The following XCR1 variants were observed in gnomAD, a reference collection of about 807,000 sequenced individuals.
XCR1 encodes the protein X-C motif chemokine receptor 1, also known as chemokine XC receptor 1.
For missense variants in XCR1, 356 were observed against 424.2 expected, an observed-to-expected ratio of 0.84 and a Z score of 1.41; for synonymous variants, 187 against 188.5, an observed-to-expected ratio of 0.99 and a Z score of 0.06.
chr3:46,057,280 A>C (rs1697870066), intron 4 of XCR1, among the ~76,000 whole-genome samples: 1 of 152,132 alleles, frequency 6.6e-6, no homozygotes, highest in Non-Finnish European at 1.5e-5. Context: ...ATTTATGTAA[A>C]GTTCTAGAAA....
intron 4 of XCR1, among the ~76,000 whole-genome samples, chr3:46,060,642 C>T (rs1440156789): frequency 6.6e-6 from 1 of 152,174 alleles, no homozygotes; most frequent in Non-Finnish European, 1.5e-5. Context: ...CATAAGGTCA[C>T]AGGAACAGAA....
chr3:46,053,778 G>A (rs9859136), intron 5 of XCR1, among the ~76,000 whole-genome samples: 17,785 of 151,944 alleles, frequency 0.12, 2,415 homozygotes, highest in African/African-American at 0.33. Flanking sequence ...GCACCAGTTT[G>A]TTTCAACAAA....
chr3:46,052,905 A>G (rs1053064038), intron 5 of XCR1, among the ~76,000 whole-genome samples: 13 of 152,184 alleles, frequency 8.5e-5, no homozygotes, highest in African/African-American at 3.1e-4. Flanking sequence ...ACTCCCTCTT[A>G]AGGAATTGTG....
intron 1 of XCR1, among the ~76,000 whole-genome samples, chr3:46,026,050 A>G (rs563385481): frequency 6.6e-6 from 1 of 152,360 alleles, no homozygotes; most frequent in Admixed American, 6.5e-5. Flanking sequence ...CACCATATCA[A>G]TAGAATAAAG....
intron 2 of XCR1, among the ~76,000 whole-genome samples, chr3:46,075,154 G>A (rs777285223): frequency 2.0e-5 from 3 of 151,880 alleles, no homozygotes; most frequent in Non-Finnish European, 4.4e-5. Context: ...CAGAGGGACA[G>A]ACACAAAGAT....
chr3:46,069,908 ATT>A (rs61295539), intron 3 of XCR1, among the ~76,000 whole-genome samples: 5 of 142,942 alleles, frequency 3.5e-5, no homozygotes, highest in Admixed American at 6.9e-5. Flanking sequence ...TTTGCGATCT[ATT>A]TTTTTTTTTG....
chr3:46,032,430 C>T (rs573323394), upstream of XCR1, among the ~76,000 whole-genome samples: 9 of 152,214 alleles, frequency 5.9e-5, no homozygotes, highest in Non-Finnish European at 1.0e-4. Flanking sequence ...GCATAGCTGG[C>T]ATGTCTCACT....
chr3:46,027,958 T>G (rs1359941910), upstream of XCR1, among the ~76,000 whole-genome samples: 1 of 152,210 alleles, frequency 6.6e-6, no homozygotes, highest in Non-Finnish European at 1.5e-5. Flanking sequence ...AGCTTTCACT[T>G]CAGCCCCCAA....
chr3:46,030,592 G>A (rs1708377226), upstream of XCR1, among the ~76,000 whole-genome samples: 1 of 152,160 alleles, frequency 6.6e-6, no homozygotes, highest in South Asian at 2.1e-4. Flanking sequence ...ACATAGTTTT[G>A]AGCTCGATTA....
intron 5 of XCR1, among the ~76,000 whole-genome samples, chr3:46,039,645 C>A (rs1023531368): frequency 6.6e-6 from 1 of 152,094 alleles, no homozygotes; most frequent in South Asian, 2.1e-4. Flanking sequence ...CCATTTGAAG[C>A]CTTATTTTCA....
chr3:46,030,895 T>C (rs1055793645), upstream of XCR1, among the ~76,000 whole-genome samples: 1 of 152,262 alleles, frequency 6.6e-6, no homozygotes, highest in Non-Finnish European at 1.5e-5. Context: ...TCTGGGAGCC[T>C]GTGAGTATCT....
intron 4 of XCR1, among the ~76,000 whole-genome samples, chr3:46,063,882 T>G (rs916655298): frequency 3.3e-5 from 5 of 152,186 alleles, no homozygotes; most frequent in Admixed American, 6.5e-5. Flanking sequence ...ATTACTAATA[T>G]TTTTTGAGAC....
chr3:46,051,710 C>T (rs1697747819), intron 5 of XCR1, among the ~76,000 whole-genome samples: 1 of 152,192 alleles, frequency 6.6e-6, no homozygotes, highest in Admixed American at 6.5e-5. Context: ...AGTTCAAAAA[C>T]CCAAAGATCT....
intron 2 of XCR1, among the ~76,000 whole-genome samples, chr3:46,075,223 T>C (rs369737610): frequency 4.6e-5 from 7 of 151,660 alleles, no homozygotes; most frequent in African/African-American, 1.7e-4. Context: ...GCCCACTGGT[T>C]TTTGACAGTG....
Position 46,018,482 on chromosome 3 carries a change from G to C in XCR1, c.*2464C>G, listed in dbSNP as rs949044169. 6.6e-6 allele frequency: 1 copy of C among 152,220 alleles called. No individual in the cohort carries two copies. Among genetic ancestry groups the C allele is most frequent in the African/African-American group, 2.4e-5 (1 of 41,440 alleles). The allele number at this position is 152,220 out of a possible 1,614,324, so 9.4% of individuals were successfully genotyped here. A position where few individuals can be genotyped will look rare whatever the true frequency, so the allele number is the denominator to read the frequency against. On this transcript the variant is annotated 3_prime_UTR_variant, in exon 2 of 2. Transcript: ENST00000309285. ...AGATTAGGCCAACTAGAAGCCCATA[G>C]GCTTAGCTCTGATACCACAAACTAC...
upstream of XCR1, among the ~76,000 whole-genome samples, chr3:46,032,317 T>C (rs1278338371): frequency 1.3e-5 from 2 of 152,182 alleles, no homozygotes; most frequent in African/African-American, 4.8e-5. Flanking sequence ...ACCACTGCAT[T>C]CCCTTACGCT....
At chr3:46,081,301 G>C (rs1452547660) in intron 1 of XCR1, among the ~76,000 whole-genome samples, 1 of 152,122 alleles carries the variant, frequency 6.6e-6, no homozygotes, top group African/African-American at 2.4e-5. Context: ...CTGGCCAAAG[G>C]CTGTCTCATT....
chr3:46,063,215 G>A (rs1436564925), intron 4 of XCR1, among the ~76,000 whole-genome samples: 1 of 152,148 alleles, frequency 6.6e-6, no homozygotes, highest in Non-Finnish European at 1.5e-5. Context: ...CAAAGGTGTG[G>A]CAGGATATAG....
upstream of XCR1, among the ~76,000 whole-genome samples, chr3:46,029,965 T>C (rs1708367371): frequency 6.6e-6 from 1 of 152,242 alleles, no homozygotes; most frequent in African/African-American, 2.4e-5. Flanking sequence ...AGATTGTTCA[T>C]TGCTACTGTA....
Sources: gnomAD v4.1 joint callset for allele counts (sites outside exome capture counted in the v4.1 genomes callset) on GRCh38, gnomAD v4.1.1 for gene constraint, MANE v1.5 for transcripts, NCBI Gene and HGNC (gene_info 2026-07-23, HGNC 2026-07-21) for gene names.